Variants in STAM2 observed in about 807,000 individuals in gnomAD.
The protein encoded by STAM2 is signal transducing adaptor molecule 2, also known as signal transducing adapter molecule 2.
Under a neutral mutation model 65.6 loss-of-function variants are expected in STAM2, and 51 were observed. The observed-to-expected ratio is 0.78, with a 90% CI of 0.62 to 0.98. The LOEUF (loss-of-function observed/expected upper bound fraction) is 0.98, where lower values mean the gene tolerates loss of function less well. Among genes scored for constraint, STAM2 ranks in the 50% least tolerant of loss-of-function variants. The pLI, the probability that STAM2 is intolerant of heterozygous loss-of-function variation, is 0.00. For missense variants in STAM2, 584 were observed against 617.8 expected (o/e 0.95, Z 0.58); for synonymous variants, 198 against 208.4 (o/e 0.95, Z 0.43).
At chr2:152,150,674 C>T (rs937945177) in intron 1 of STAM2, among the ~76,000 whole-genome samples, 5 of 152,112 alleles carry the variant, frequency 3.3e-5, no homozygotes, top group Non-Finnish European at 7.3e-5. Flanking sequence ...GGCATGGTGG[C>T]AAATGCCTGT....
At chr2:152,164,885 C>A (rs532556402) in intron 1 of STAM2, among the ~76,000 whole-genome samples, 10 of 152,176 alleles carry the variant, frequency 6.6e-5, no homozygotes, top group Admixed American at 6.5e-4. Flanking sequence ...ATTAAAAAGG[C>A]AAAAATCCTG....
In STAM2 at chr2:152,123,181, C is replaced by A. The variant is rs187680902; in HGVS notation, c.1349+585G>T. On this transcript the variant is annotated intron_variant, in intron 13 of 13. Transcript: ENST00000263904. ...GGTCAGGAGTTCGAGACCAGCCTGA[C>A]CAATATGCTGAAACCCCGTCTCTAC... Among the ~76,000 whole-genome samples, 578 of 151,964 alleles carry A rather than the reference C, an allele frequency of 3.8e-3. 1 individual carries two copies. Among genetic ancestry groups the A allele is most frequent in the Non-Finnish European group, 6.3e-3 (427 of 67,974 alleles).
rs1226588474 is a variant in STAM2, at chr2:152,175,629, G to A, written c.14C>T (p.Thr5Ile). The change falls in exon 1 of 14, where the codon ACC becomes ATC. Residue 5 changes from threonine to isoleucine, a missense_variant. Coordinates refer to ENST00000263904, the MANE Select transcript of STAM2 (RefSeq NM_005843.6). ...CACGTCTTGCTCGAAGGGGTTGGCG[G>A]TGAACAAAGGCATCTCGCCGGCGCC... is the stretch of plus-strand genomic sequence containing the variant. MPLF[T>I]ANPFEQDVEK... The A allele has an allele frequency of 6.2e-7, 1 of 1,613,684 alleles. No individual in the cohort carries two copies. The highest frequency in any genetic ancestry group is 1.3e-5 in the African/African-American group (1 of 74,910).
At chr2:152,132,014 A>T in intron 11 of STAM2, 100 bp downstream of exon 11, 1 of 750,002 alleles carries the variant, frequency 1.3e-6, no homozygotes, top group South Asian at 1.9e-5. Flanking sequence ...ATTTCCATGA[A>T]TTGTACAGTT....
intron 2 of STAM2, 50 bp downstream of exon 2, chr2:152,150,095 A>G (rs1363887978): frequency 1.6e-6 from 2 of 1,240,058 alleles, no homozygotes; most frequent in African/African-American, 3.0e-5. Flanking sequence ...AAAAAGAGAC[A>G]CTGGTTATCA....
At chr2:152,144,215 C>T (rs930307145) in intron 6 of STAM2, among the ~76,000 whole-genome samples, 3 of 152,128 alleles carry the variant, frequency 2.0e-5, no homozygotes, top group Admixed American at 1.3e-4. Context: ...TTTATTATCA[C>T]GGTCTGTCAT....
At chr2:152,129,027 G>C (rs1391100243) in intron 11 of STAM2, among the ~76,000 whole-genome samples, 1 of 152,246 alleles carries the variant, frequency 6.6e-6, no homozygotes, top group East Asian at 1.9e-4. Flanking sequence ...ATCTGCAGCT[G>C]TGGCCATAGA....
chr2:152,153,150 A>G (rs145776168), intron 1 of STAM2, among the ~76,000 whole-genome samples: 2,636 of 152,320 alleles, frequency 0.017, 69 homozygotes, highest in African/African-American at 0.06. Flanking sequence ...AAAAATTTCA[A>G]TATCAAAGAA....
intron 1 of STAM2, among the ~76,000 whole-genome samples, chr2:152,168,450 G>A (rs892768100): frequency 1.3e-5 from 2 of 151,742 alleles, no homozygotes; most frequent in Admixed American, 6.6e-5. Context: ...GAGCCACCGC[G>A]CCCAGCCACA....
chr2:152,147,974 C>T, intron 4 of STAM2, 50 bp downstream of exon 4: 1 of 1,361,504 alleles, frequency 7.3e-7, no homozygotes, highest in South Asian at 1.3e-5. Context: ...TAATGACACA[C>T]AATCTACATT....
intron 7 of STAM2, among the ~76,000 whole-genome samples, chr2:152,136,951 G>A (rs1449896122): frequency 2.1e-5 from 3 of 146,330 alleles, no homozygotes; most frequent in African/African-American, 5.2e-5. Context: ...CTGGAGTGCA[G>A]TGGCACGATC....
intron 11 of STAM2, among the ~76,000 whole-genome samples, chr2:152,128,216 G>T (rs1005191070): frequency 6.6e-6 from 1 of 152,102 alleles, no homozygotes; most frequent in African/African-American, 2.4e-5. Flanking sequence ...GACCATCCTG[G>T]CTAACACGGT....
intron 1 of STAM2, among the ~76,000 whole-genome samples, chr2:152,153,371 C>CT (rs982606760): frequency 4.1e-4 from 58 of 141,356 alleles, no homozygotes; most frequent in East Asian, 1.0e-3. Flanking sequence ...AGAGTAATTT[C>CT]TTTTTTTTTT....
chr2:152,146,271 CAA>C (rs201803866), intron 5 of STAM2, among the ~76,000 whole-genome samples: 19 of 97,160 alleles, frequency 2.0e-4, no homozygotes, highest in Admixed American at 3.4e-4. Context: ...AACTCCATCT[CAA>C]AAAAAAAAAA....
chr2:152,149,917 ATGT>A (rs1185228675), intron 2 of STAM2, among the ~76,000 whole-genome samples: 3 of 152,188 alleles, frequency 2.0e-5, no homozygotes. Context: ...AGAAAAAAAA[ATGT>A]TGTTAAGGAA....
At chr2:152,171,991 C>G (rs980952270) in intron 1 of STAM2, among the ~76,000 whole-genome samples, 1 of 152,196 alleles carries the variant, frequency 6.6e-6, no homozygotes, top group African/African-American at 2.4e-5. Flanking sequence ...TCTGTTAACA[C>G]TAACCACTGT....
chr2:152,159,776 C>T (rs1050877441), intron 1 of STAM2, among the ~76,000 whole-genome samples: 2 of 152,238 alleles, frequency 1.3e-5, no homozygotes, highest in African/African-American at 2.4e-5. Context: ...CCTCTGATGA[C>T]GAGCCAAAGC....
At chr2:152,138,295 T>C (rs983568564) in intron 7 of STAM2, among the ~76,000 whole-genome samples, 1 of 152,104 alleles carries the variant, frequency 6.6e-6, no homozygotes, top group African/African-American at 2.4e-5. Flanking sequence ...ATTTAATCCA[T>C]AAAGACCTTA....
chr2:152,154,843 A>G (rs1689512961), intron 1 of STAM2, among the ~76,000 whole-genome samples: 1 of 152,224 alleles, frequency 6.6e-6, no homozygotes, highest in African/African-American at 2.4e-5. Flanking sequence ...GTACCATTAC[A>G]TACAGAGTGG....
Sources: allele counts gnomAD v4.1 joint callset (sites outside exome capture counted in the v4.1 genomes callset), GRCh38; gene constraint gnomAD v4.1.1; transcripts MANE v1.5; gene names NCBI Gene and HGNC (gene_info 2026-07-23, HGNC 2026-07-21).